Variants in ZNF700 observed in about 807,000 individuals in gnomAD.
The protein encoded by ZNF700 is zinc finger protein 700.
A neutral mutation model predicts 65.3 loss-of-function variants in ZNF700; 38 were observed. That is an observed-to-expected ratio of 0.58 (90% CI 0.45 to 0.76). The LOEUF (loss-of-function observed/expected upper bound fraction) is 0.76, where lower values mean the gene tolerates loss of function less well. Among genes scored for constraint, ZNF700 ranks in the 30% least tolerant of loss-of-function variants. The pLI is 0.00. For synonymous variants in ZNF700, 285 were observed against 290.4 expected, an observed-to-expected ratio of 0.98 and a Z score of 0.19; for missense variants, 857 against 888.4, an observed-to-expected ratio of 0.96 and a Z score of 0.45.
At chr19:11,925,629 A>G (rs568495405) in intron 1 of ZNF700, among the ~76,000 whole-genome samples, 3 of 152,336 alleles carry the variant, frequency 2.0e-5, no homozygotes, top group Non-Finnish European at 4.4e-5. Flanking sequence ...TGGGAGGAGC[A>G]GTGGTCTGTG....
At position 11,925,978 on chromosome 19, in the gene ZNF700, T is replaced by C. The variant is rs139491379; in HGVS notation, c.63+705T>C. On this transcript the variant is annotated intron_variant, in intron 1 of 3. Transcript: ENST00000254321. ...GTGTAAGTTCCATTGGCAGAAAGGG[T>C]GGGACCTGTGGAAGGGGGGTTAGAA... Among the ~76,000 whole-genome samples, 228 of 151,962 alleles carry C rather than the reference T, an allele frequency of 1.5e-3. 1 individual carries two copies. In the East Asian group the frequency reaches 0.022, roughly 15 times the overall value.
chr19:11,939,219 T>A (rs1972842498), intron 1 of ZNF700, among the ~76,000 whole-genome samples: 1 of 152,210 alleles, frequency 6.6e-6, no homozygotes. Context: ...GTGCAGAAGC[T>A]CTTTAGTTTA....
At chr19:11,941,995 T>C (rs1314993267) in intron 1 of ZNF700, among the ~76,000 whole-genome samples, 1 of 152,136 alleles carries the variant, frequency 6.6e-6, no homozygotes, top group Admixed American at 6.6e-5. Flanking sequence ...TGGTATCTCT[T>C]AGGAGTTTCT....
intron 1 of ZNF700, among the ~76,000 whole-genome samples, chr19:11,939,778 T>C (rs999078191): frequency 4.6e-5 from 7 of 151,598 alleles, no homozygotes; most frequent in Admixed American, 2.6e-4. Flanking sequence ...TGATTTATTA[T>C]CATTACTTAT....
At chr19:11,947,654 A>G in intron 3 of ZNF700, 80 bp downstream of exon 3, 3 of 1,281,876 alleles carry the variant, frequency 2.3e-6, no homozygotes, top group Non-Finnish European at 3.3e-6. Context: ...GAAGTAAAAC[A>G]AAGAACTAAA....
At chr19:11,943,130 T>C (rs1972910437) in intron 1 of ZNF700, among the ~76,000 whole-genome samples, 1 of 152,218 alleles carries the variant, frequency 6.6e-6, no homozygotes, top group South Asian at 2.1e-4. Context: ...ATTTCTATTA[T>C]AAGTGTTTTA....
chr19:11,949,531 T>C lies in ZNF700; in HGVS notation c.1507T>C (p.Ser503Pro). 1.2e-6 allele frequency: 2 copies of C among 1,610,734 alleles called. No individual in the cohort carries two copies. The highest frequency in any genetic ancestry group is 1.7e-6 in the Non-Finnish European group (2 of 1,179,414). Residue 503 changes from serine to proline, a missense_variant, in exon 4 of 4, where the codon TCT becomes CCT. Around this residue, in one of 3 missense-constraint regions of ZNF700, gnomAD observed 603 missense variants for 619.9 expected, o/e 0.97. Coordinates refer to ENST00000254321, the MANE Select transcript of ZNF700 (RefSeq NM_144566.3). ...ERTEKHIRMP[S>P]GERPYKCSIC... ...GACAGAAAAACACATAAGAATGCCCTCTGGAGAAAGACCTTATAAATGTAG... is the reference window on the plus strand; with the variant it reads ...GACAGAAAAACACATAAGAATGCCCCCTGGAGAAAGACCTTATAAATGTAG...
chr19:11,944,462 A>G (rs1157145244), intron 1 of ZNF700, among the ~76,000 whole-genome samples: 2 of 152,128 alleles, frequency 1.3e-5, no homozygotes, highest in Non-Finnish European at 2.9e-5. Flanking sequence ...TATCCATGTG[A>G]TCCCCAATAC....
Position 11,948,637 on chromosome 19 carries a change from T to A in ZNF700, c.613T>A (p.Phe205Ile), listed in dbSNP as rs149790876. ...ACKVCGKTFI[F>I]HSSIRRHMVM... is the part of the protein sequence containing the mutation. ...TAAAGTCTGTGGAAAAACCTTTATT[T>A]TCCATTCAAGCATTCGAAGACACAT... The change falls in exon 4 of 4, where the codon TTC (phenylalanine) becomes ATC (isoleucine). Residue 205 changes from phenylalanine to isoleucine, a missense_variant. Physicochemically the swap from Phe to Ile is conservative, Grantham distance 21. Transcript: ENST00000254321. 3.7e-6 allele frequency: 6 copies of A among 1,611,382 alleles called. No homozygotes were observed. The African/African-American group carries it at 5.4e-5, about 14-fold the overall frequency.
In ZNF700 at chr19:11,949,277, A is replaced by T; in HGVS notation, c.1253A>T (p.Tyr418Phe). ...HERIHTGEKP[Y>F]ECKQCGKAFR... ...AGGATTCACACTGGAGAGAAACCCT[A>T]TGAGTGTAAGCAGTGTGGGAAAGCC... The change falls in exon 4 of 4, where the codon TAT (tyrosine) becomes TTT (phenylalanine). Residue 418 changes from tyrosine (Y) to phenylalanine (F), a missense_variant. Tyr to Phe is a conservative substitution (Grantham distance 22, BLOSUM62 3). This residue lies in a region of ZNF700 where 603 missense variants were observed against 619.9 expected (regional missense o/e 0.97). Coordinates refer to ENST00000254321, the MANE Select transcript of ZNF700 (RefSeq NM_144566.3). 1 of 1,614,144 alleles carries T rather than the reference A, an allele frequency of 6.2e-7. No individual in the cohort carries two copies. Among genetic ancestry groups the T allele is most frequent in the South Asian group, 1.1e-5 (1 of 91,078 alleles).
chr19:11,938,911 T>C (rs8103681), intron 1 of ZNF700, among the ~76,000 whole-genome samples: 14,253 of 151,954 alleles, frequency 0.094, 1,233 homozygotes, highest in African/African-American at 0.23. Context: ...TTTTAATGAT[T>C]GCCATTCTAA....
At chr19:11,926,344 T>C (rs540498273) in intron 1 of ZNF700, among the ~76,000 whole-genome samples, 17 of 152,310 alleles carry the variant, frequency 1.1e-4, no homozygotes, top group African/African-American at 4.1e-4. Flanking sequence ...TTCAGGGTTT[T>C]TTGCGGGTCC....
At chr19:11,935,632 T>A (rs279246) in intron 1 of ZNF700, among the ~76,000 whole-genome samples, 26,872 of 152,126 alleles carry the variant, frequency 0.18, 5,090 homozygotes, top group African/African-American at 0.48. Flanking sequence ...CGTTCTGCAA[T>A]TATTTTGTCC....
intron 1 of ZNF700, among the ~76,000 whole-genome samples, chr19:11,937,351 A>G (rs1406572616): frequency 6.6e-6 from 1 of 151,994 alleles, no homozygotes; most frequent in Non-Finnish European, 1.5e-5. Flanking sequence ...TTATTTATTT[A>G]TTTTATTACA....
intron 1 of ZNF700, among the ~76,000 whole-genome samples, chr19:11,936,456 T>C (rs1366085529): frequency 3.3e-5 from 5 of 152,268 alleles, no homozygotes; most frequent in East Asian, 3.8e-4. Context: ...GAGCATTTTT[T>C]CATGTGTCTG....
chr19:11,950,187 A>G lies in ZNF700; in HGVS notation c.2163A>G (p.Ile721Met). 8.1e-6 allele frequency: 13 copies of G among 1,613,870 alleles called. 1 individual carries two copies. The South Asian group carries it at 1.4e-4, about 18-fold the overall frequency. ...TCAATTATTTTTCTTCCTTGCATAT[A>G]CACGCAAGGACTCATATGGGAGAGA... ...KAFNYFSSLH[I>M]HARTHMGEKP... Residue 721 changes from isoleucine (I) to methionine (M), a missense_variant, in exon 4 of 4, where the codon ATA (isoleucine) becomes ATG (methionine). Transcript: ENST00000254321.
chr19:11,949,408 C>T lies in ZNF700; in HGVS notation c.1384C>T (p.Arg462Ter), dbSNP rs147964839. The T allele has an allele frequency of 9.3e-6, 15 of 1,613,610 alleles. No homozygotes were observed. The highest frequency in any genetic ancestry group is 4.5e-5 in the East Asian group (2 of 44,846). The change falls in exon 4 of 4, where the codon CGA becomes TGA. Residue 462 changes from arginine (R) to a stop codon, truncating the protein, a stop_gained. Transcript: ENST00000254321. LOFTEE classifies it high-confidence loss of function. Reference protein sequence around the residue: ...GKAFRSTSHLRVHGRTHTGEK... With the variant: ...GKAFRSTSHL ...AGCCTTCAGATCTACCTCACACCTTCGAGTGCATGGTAGGACTCATACTGG... is the reference window on the plus strand; with the variant it reads ...AGCCTTCAGATCTACCTCACACCTTTGAGTGCATGGTAGGACTCATACTGG...
chr19:11,939,343 G>T (rs1478884009), intron 1 of ZNF700, among the ~76,000 whole-genome samples: 1 of 152,130 alleles, frequency 6.6e-6, no homozygotes, highest in East Asian at 1.9e-4. Flanking sequence ...TTCTTCTAGG[G>T]TTTTTATGGT....
Position 11,925,159 on chromosome 19 carries a change from G to T in ZNF700, c.-52G>T. 3 of 1,601,750 alleles carry T rather than the reference G, an allele frequency of 1.9e-6. No individual in the cohort carries two copies. The highest frequency in any genetic ancestry group is 2.2e-5 in the South Asian group (2 of 90,906). ...GGTTGGTAACCGGTCAGACCAGCCC[G>T]AGAGGGACCTGGTGCCTGTACCCAG... On this transcript the variant is annotated 5_prime_UTR_variant, in exon 1 of 4. Coordinates refer to ENST00000254321, the MANE Select transcript of ZNF700 (RefSeq NM_144566.3).
Sources: allele counts gnomAD v4.1 joint callset (sites outside exome capture counted in the v4.1 genomes callset), GRCh38; gene constraint gnomAD v4.1.1; regional missense constraint gnomAD v4.1.1; transcripts MANE v1.5; gene names NCBI Gene and HGNC (gene_info 2026-07-23, HGNC 2026-07-21).